The following SORCS2 variants were observed in gnomAD, a reference collection of about 807,000 sequenced individuals.
SORCS2 encodes VPS10 domain-containing receptor SorCS2.
A neutral mutation model predicts 141.6 loss-of-function variants in SORCS2; 100 were observed. The ratio of observed to expected loss-of-function variants is 0.71; its 90% confidence interval spans 0.60 to 0.83. SORCS2 has a LOEUF of 0.83. SORCS2 is among the 40% of genes least tolerant of loss of function. The pLI, the probability that SORCS2 is intolerant of heterozygous loss-of-function variation, is 0.00. For synonymous variants in SORCS2, 789 were observed against 676.9 expected (o/e 1.17, Z -2.57); for missense variants, 1,646 against 1,560.2 (o/e 1.05, Z -0.93).
At chr4:7,194,098 C>T (rs1727029147) in intron 1 of SORCS2, among the ~76,000 whole-genome samples, 1 of 152,106 alleles carries the variant, frequency 6.6e-6, no homozygotes, top group Non-Finnish European at 1.5e-5. Context: ...TTGCAGGTTC[C>T]AGAGAAGGAT....
At position 7,740,456 on chromosome 4, in the gene SORCS2, C is replaced by A. The variant is rs1013232191; in HGVS notation, c.*192C>A. 1 of 592,392 alleles carries A rather than the reference C, an allele frequency of 1.7e-6. No individual in the cohort carries two copies. The highest frequency in any genetic ancestry group is 3.0e-6 in the Non-Finnish European group (1 of 331,296). The allele number at this position is 592,392 out of a possible 1,614,324, so 36.7% of individuals were successfully genotyped here. A position where few individuals can be genotyped will look rare whatever the true frequency, so the allele number is the denominator to read the frequency against. The stretch of plus-strand genomic sequence containing the variant: ...CCCACGGGGGGCCCACGGGACCCCC[C>A]GGGACTCCCCGGACATGGCCCTGCC... On this transcript the variant is annotated 3_prime_UTR_variant, in exon 27 of 27. Transcript: ENST00000507866.
chr4:7,496,226 C>A (rs1731606198), intron 2 of SORCS2, among the ~76,000 whole-genome samples: 1 of 152,078 alleles, frequency 6.6e-6, no homozygotes, highest in African/African-American at 2.4e-5. Context: ...CTCACGACAC[C>A]CTCCTGGAAC....
Position 7,701,628 on chromosome 4 carries a change from CA to C in SORCS2, c.1669-1651del, listed in dbSNP as rs529884876. ...TGGTGGGGTTGAGGAGCATGGGGGT[CA>C]GGGTACCTGCTGGACACCAGGGCCA... On this transcript the variant is annotated intron_variant, in intron 12 of 26. Transcript: ENST00000507866. Among the ~76,000 whole-genome samples, 555 of 152,266 alleles carry C rather than the reference CA, an allele frequency of 3.6e-3. 2 individuals carry two copies. Among genetic ancestry groups the C allele is most frequent in the African/African-American group, 0.013 (529 of 41,560 alleles).
intron 3 of SORCS2, among the ~76,000 whole-genome samples, chr4:7,574,686 A>G (rs13120418): frequency 0.9 from 136,242 of 152,092 alleles, 61,530 homozygotes; most frequent in Non-Finnish European, 0.95. Context: ...CTGAGGAATC[A>G]GAGTGAAAAA....
chr4:7,662,551 G>A (rs972257550), intron 6 of SORCS2, among the ~76,000 whole-genome samples: 2 of 152,198 alleles, frequency 1.3e-5, no homozygotes, highest in African/African-American at 4.8e-5. Context: ...GAATGAATAA[G>A]CACCTAGCCA....
chr4:7,219,697 A>C (rs34694340), intron 1 of SORCS2, among the ~76,000 whole-genome samples: 47,433 of 152,142 alleles, frequency 0.31, 8,200 homozygotes, highest in Non-Finnish European at 0.39. Context: ...CCCATGATCC[A>C]ACCACTTCCT....
intron 1 of SORCS2, among the ~76,000 whole-genome samples, chr4:7,317,404 A>G (rs1290664564): frequency 6.6e-6 from 1 of 152,238 alleles, no homozygotes; most frequent in Non-Finnish European, 1.5e-5. Flanking sequence ...CTCAGTGCAG[A>G]CATGGGTCTT....
intron 9 of SORCS2, among the ~76,000 whole-genome samples, chr4:7,680,443 C>G (rs1233612674): frequency 6.6e-6 from 1 of 152,248 alleles, no homozygotes; most frequent in East Asian, 1.9e-4. Flanking sequence ...AGAAGCTGGA[C>G]TCTGGGCCAG....
Position 7,715,184 on chromosome 4 carries a change from G to A in SORCS2, c.2125G>A (p.Asp709Asn), listed in dbSNP as rs777543954. The change falls in exon 17 of 27, where the codon GAC (aspartate) becomes AAC (asparagine). Residue 709 changes from aspartate (D) to asparagine (N), a missense_variant and splice_region_variant. Transcript: ENST00000507866. The part of the protein sequence containing the change: ...CECRDSDFLC[D>N]YGFERSSSSE... ...ACCACTACTCTTCCCTCCTCCCAGC[G>A]ACTACGGATTTGAGCGCTCCTCCTC... 9 of 1,613,674 alleles carry A rather than the reference G, an allele frequency of 5.6e-6. No homozygotes were observed. Among genetic ancestry groups the A allele is most frequent in the South Asian group, 1.1e-5 (1 of 91,030 alleles).
intron 3 of SORCS2, among the ~76,000 whole-genome samples, chr4:7,608,941 G>T (rs1446067256): frequency 1.3e-5 from 2 of 152,136 alleles, no homozygotes; most frequent in African/African-American, 4.8e-5. Flanking sequence ...CACTAGCCGA[G>T]CACTAGTCAT....
intron 2 of SORCS2, among the ~76,000 whole-genome samples, chr4:7,427,153 G>A (rs914067164): frequency 2.0e-5 from 3 of 152,106 alleles, no homozygotes; most frequent in South Asian, 4.2e-4. Context: ...GAGCTCCAGG[G>A]TAGCGTTAAT....
chr4:7,215,322 C>T (rs149723166), intron 1 of SORCS2, among the ~76,000 whole-genome samples: 48,217 of 152,002 alleles, frequency 0.32, 8,345 homozygotes, highest in Non-Finnish European at 0.39. Flanking sequence ...GCCAGCCTAC[C>T]GGCGCTGCGC....
At chr4:7,736,370 C>T (rs1042792052) in intron 25 of SORCS2, among the ~76,000 whole-genome samples, 1 of 152,258 alleles carries the variant, frequency 6.6e-6, no homozygotes. Flanking sequence ...CCGCCCCACC[C>T]CATCCTGCCG....
At chr4:7,403,961 G>GTGTATATATATATATATATA (rs1260939310) in intron 2 of SORCS2, among the ~76,000 whole-genome samples, 6 of 29,888 alleles carry the variant, frequency 2.0e-4, no homozygotes, top group Non-Finnish European at 4.6e-4. Context: ...CTCCATGTGT[G>GTGTATATATATATATATATA]TATATATATA....
chr4:7,448,022 G>A (rs77176869), intron 2 of SORCS2, among the ~76,000 whole-genome samples: 11,724 of 152,276 alleles, frequency 0.077, 641 homozygotes, highest in South Asian at 0.13. Context: ...TGTATGAGCG[G>A]CTCGTGCTGG....
At chr4:7,342,514 G>C (rs1344102870) in intron 1 of SORCS2, among the ~76,000 whole-genome samples, 2 of 152,180 alleles carry the variant, frequency 1.3e-5, no homozygotes, top group Non-Finnish European at 2.9e-5. Context: ...GGCTGGAGGG[G>C]CCTCTGGGGG....
intron 1 of SORCS2, among the ~76,000 whole-genome samples, chr4:7,391,656 A>C (rs1003155098): frequency 6.6e-6 from 1 of 152,204 alleles, no homozygotes; most frequent in African/African-American, 2.4e-5. Flanking sequence ...AGCGAGAGTC[A>C]GTGGACGTGG....
chr4:7,382,588 A>T (rs893339919), intron 1 of SORCS2, among the ~76,000 whole-genome samples: 1 of 152,336 alleles, frequency 6.6e-6, no homozygotes, highest in East Asian at 1.9e-4. Context: ...AATGATGCTG[A>T]CATGCCTGTA....
At chr4:7,698,920 G>T (rs61327112) in intron 12 of SORCS2, among the ~76,000 whole-genome samples, 2,806 of 152,192 alleles carry the variant, frequency 0.018, 82 homozygotes, top group African/African-American at 0.064. Flanking sequence ...GAGTGGGACA[G>T]AGGCAGGGAG....
Sources: allele counts gnomAD v4.1 joint callset (sites outside exome capture counted in the v4.1 genomes callset), GRCh38; gene constraint gnomAD v4.1.1; transcripts MANE v1.5; gene names NCBI Gene and HGNC (gene_info 2026-07-23, HGNC 2026-07-21).